KDELR3: variants seen among roughly 807,000 people sequenced by gnomAD.
KDELR3 encodes the protein KDEL endoplasmic reticulum protein retention receptor 3.
KDELR3 carries 26 observed loss-of-function variants against 22.7 expected under a neutral mutation model. The ratio of observed to expected loss-of-function variants is 1.15; its 90% confidence interval spans 0.84 to 1.59. The LOEUF is 1.59. Among genes scored for constraint, KDELR3 ranks in the 40% most tolerant of loss-of-function variants. The pLI, the probability that KDELR3 is intolerant of heterozygous loss-of-function variation, is 0.00. For synonymous variants in KDELR3, 120 were observed against 98.2 expected (o/e 1.22, Z -1.31); for missense variants, 289 against 251.1 (o/e 1.15, Z -1.02).
At chr22:38,472,005 G>A (rs1311960519) in intron 1 of KDELR3, among the ~76,000 whole-genome samples, 1 of 151,718 alleles carries the variant, frequency 6.6e-6, no homozygotes, top group Non-Finnish European at 1.5e-5. Flanking sequence ...CCAAATGTCT[G>A]GAACCAGAGG....
chr22:38,481,151 C>T (rs2089596788), intron 3 of KDELR3, 61 bp from the exon 4 acceptor site: 1 of 1,426,870 alleles, frequency 7.0e-7, no homozygotes, highest in Non-Finnish European at 9.6e-7. Context: ...TAATTATGTT[C>T]TTTTAAGATG....
intron 2 of KDELR3, among the ~76,000 whole-genome samples, chr22:38,478,792 G>C (rs1320278038): frequency 8.6e-5 from 13 of 150,898 alleles, no homozygotes; most frequent in Non-Finnish European, 1.8e-4. Flanking sequence ...ACAGGCGCCC[G>C]CATGCATGCC....
At chr22:38,472,404 G>T (rs2089530715) in intron 1 of KDELR3, among the ~76,000 whole-genome samples, 1 of 151,918 alleles carries the variant, frequency 6.6e-6, no homozygotes, top group African/African-American at 2.4e-5. Flanking sequence ...TTGAACCCGG[G>T]AGGCAGACGT....
rs1376648112 is a variant in KDELR3 at position 38,482,509 on chromosome 22, G to A, written c.618G>A (p.Lys206=). 1.9e-6 allele frequency: 3 copies of A among 1,612,940 alleles called. No homozygotes were observed. Among genetic ancestry groups the A allele is most frequent in the Non-Finnish European group, 2.5e-6 (3 of 1,178,882 alleles). ...YLYVTKVLKG[K]KLSLPMPI is the part of the protein sequence containing the mutation. ...ATTTTCTTCCAGTCCTTAAGGGAAA[G>A]AAGTTAAGTCTTCCAATGCCAATCT... The change falls in exon 5 of 5, where the codon AAG becomes AAA. Residue 206 remains lysine, a synonymous_variant. Transcript: ENST00000216014.
At chr22:38,475,012 G>A (rs1280443654) in intron 2 of KDELR3, among the ~76,000 whole-genome samples, 3 of 147,972 alleles carry the variant, frequency 2.0e-5, no homozygotes, top group Admixed American at 1.3e-4. Context: ...CTTGGGAGGC[G>A]GAGGTTGCAG....
intron 4 of KDELR3, 23 bp downstream of exon 4, chr22:38,481,487 T>C (rs748818533): frequency 1.9e-6 from 3 of 1,614,154 alleles, no homozygotes; most frequent in Non-Finnish European, 2.5e-6. Flanking sequence ...ATGACAGCAA[T>C]GCTGACACTG....
chr22:38,473,543 CAT>C lies in KDELR3; in HGVS notation c.92-979_92-978del, dbSNP rs1199102110. Among the ~76,000 whole-genome samples, 4 of 152,278 alleles carry C rather than the reference CAT, an allele frequency of 2.6e-5. No individual in the cohort carries two copies. In the East Asian group the frequency reaches 5.8e-4, roughly 22 times the overall value. ...GCATCATATGTGTACACATAGGTGTCATGTGTGTACATGTTCACAAAGATATG... is the reference window on the plus strand; with the variant it reads ...GCATCATATGTGTACACATAGGTGTCGTGTGTACATGTTCACAAAGATATG... On this transcript the variant is annotated intron_variant, in intron 1 of 4. Coordinates refer to ENST00000216014, the MANE Select transcript of KDELR3 (RefSeq NM_006855.4).
intron 2 of KDELR3, among the ~76,000 whole-genome samples, chr22:38,478,628 G>GCTTTTTTT (rs1569133063): frequency 4.1e-5 from 1 of 24,142 alleles, no homozygotes; most frequent in South Asian, 1.6e-3. Flanking sequence ...CAGCATCTGT[G>GCTTTTTTT]ATTTTTTTTT....
At chr22:38,481,124 G>C in intron 3 of KDELR3, 88 bp from the exon 4 acceptor site, 2 of 1,203,434 alleles carry the variant, frequency 1.7e-6, no homozygotes, top group Non-Finnish European at 2.3e-6. Flanking sequence ...ACCTTCTCCA[G>C]CAAGCTATTG....
In KDELR3 at chr22:38,479,850, ATT is replaced by A. The variant is rs997239713; in HGVS notation, c.351+100_351+101del. On this transcript the variant is annotated intron_variant, in intron 3 of 4. Coordinates refer to ENST00000216014, the MANE Select transcript of KDELR3 (RefSeq NM_006855.4). ...TTGCCTTCTGCTTACAACTGTGACC[ATT>A]ACTCATGTATCTTTCAGTTATAAGT... The A allele has an allele frequency of 1.3e-5, 14 of 1,047,834 alleles. No individual in the cohort carries two copies. The African/African-American group carries it at 1.9e-4, about 14-fold the overall frequency. 64.9% of individuals were successfully genotyped at this position (1,047,834 alleles called of 1,614,324 possible).
In KDELR3 at chr22:38,468,276, G is replaced by T. The variant is rs771666529; in HGVS notation, c.43G>T (p.Ala15Ser). ...RILGDLSHLL[A>S]MILLLGKIWR... ...CCTCGGCGACCTGAGCCACCTCCTG[G>T]CCATGATCTTGCTGCTGGGGAAGAT... Residue 15 changes from alanine to serine, a missense_variant, in exon 1 of 5, where the codon GCC becomes TCC. By Grantham distance (99) the Ala-to-Ser change is moderately conservative. Coordinates refer to ENST00000216014, the MANE Select transcript of KDELR3 (RefSeq NM_006855.4). 1 of 1,613,770 alleles carries T rather than the reference G, an allele frequency of 6.2e-7. No homozygotes were observed. Among genetic ancestry groups the T allele is most frequent in the Non-Finnish European group, 8.5e-7 (1 of 1,179,956 alleles).
intron 1 of KDELR3, among the ~76,000 whole-genome samples, chr22:38,473,160 C>T (rs1173943345): frequency 6.6e-6 from 1 of 152,148 alleles, no homozygotes; most frequent in Non-Finnish European, 1.5e-5. Context: ...CGCGGTGGCT[C>T]ACGCCTATAA....
intron 1 of KDELR3, among the ~76,000 whole-genome samples, chr22:38,473,974 AAAAAAAGAAAAAAG>A (rs138424): frequency 1.3e-4 from 20 of 151,120 alleles, no homozygotes; most frequent in East Asian, 3.9e-4. Context: ...ACTCCATCTC[AAAAAAAGAAAAAAG>A]AAAAAAGAAA....
Position 38,482,745 on chromosome 22 carries a change from C to T in KDELR3, c.*209C>T, listed in dbSNP as rs985684572. The stretch of plus-strand genomic sequence containing the variant: ...GACCCATTGTAAGGTCATAAAAAAC[C>T]TCGGCCACCTGCACAAAGATGGTGC... On this transcript the variant is annotated 3_prime_UTR_variant, in exon 5 of 5. Transcript: ENST00000216014. 9.1e-6 allele frequency: 5 copies of T among 550,144 alleles called. No homozygotes were observed. In the African/African-American group the frequency reaches 9.5e-5, roughly 10 times the overall value. The allele number at this position is 550,144 out of a possible 1,614,324, so 34.1% of individuals were successfully genotyped here. A position where few individuals can be genotyped will look rare whatever the true frequency, so the allele number is the denominator to read the frequency against.
Position 38,469,153 on chromosome 22 carries a change from G to A in KDELR3, c.91+829G>A, listed in dbSNP as rs182025109. On this transcript the variant is annotated intron_variant, in intron 1 of 4. Coordinates refer to ENST00000216014, the MANE Select transcript of KDELR3 (RefSeq NM_006855.4). ...GAAGGAGCAGCTCCGTGCTGGTCCC[G>A]GAGGACGAGCAGGTGTCAATCCAGG... 7.8e-4 allele frequency among the ~76,000 whole-genome samples: 119 copies of A among 152,358 alleles called. No individual in the cohort carries two copies. In the Middle Eastern group the frequency reaches 0.02, roughly 26 times the overall value.
At chr22:38,470,043 C>A (rs1421236942) in intron 1 of KDELR3, among the ~76,000 whole-genome samples, 4 of 151,270 alleles carry the variant, frequency 2.6e-5, no homozygotes, top group Admixed American at 2.0e-4. Context: ...TGGTCTTGAA[C>A]GCCTGACCTC....
intron 2 of KDELR3, among the ~76,000 whole-genome samples, chr22:38,478,029 G>A (rs564120397): frequency 6.6e-6 from 1 of 152,326 alleles, no homozygotes. Context: ...TCCTCTCTTA[G>A]AGGGGAGATG....
At chr22:38,471,604 G>A (rs1441173128) in intron 1 of KDELR3, among the ~76,000 whole-genome samples, 1 of 152,166 alleles carries the variant, frequency 6.6e-6, no homozygotes, top group African/African-American at 2.4e-5. Context: ...ACCGAGGCTC[G>A]CCCTAAAGCC....
intron 1 of KDELR3, 170 bp from the exon 2 acceptor site, chr22:38,474,353 G>T: frequency 1.7e-6 from 1 of 574,404 alleles, no homozygotes. Flanking sequence ...TGATCCGATG[G>T]GAAGGGTGAG....
Sources: allele counts gnomAD v4.1 joint callset (sites outside exome capture counted in the v4.1 genomes callset), GRCh38; gene constraint gnomAD v4.1.1; transcripts MANE v1.5; gene names NCBI Gene and HGNC (gene_info 2026-07-23, HGNC 2026-07-21).